The following ENTHD1 variants were observed in gnomAD, a reference collection of about 807,000 sequenced individuals.
ENTHD1 encodes ENTH domain-containing protein 1.
A neutral mutation model predicts 39.1 loss-of-function variants in ENTHD1; 23 were observed. The ratio of observed to expected loss-of-function variants is 0.59; its 90% CI spans 0.42 to 0.83. ENTHD1 has a LOEUF of 0.83. Ranked by LOEUF, ENTHD1 falls within the 40% of genes least tolerant of loss-of-function variation. ENTHD1 has a pLI of 0.00. For missense variants in ENTHD1, 624 were observed against 705.4 expected (o/e 0.88, Z 1.31); for synonymous variants, 230 against 258.2 (o/e 0.89, Z 1.05).
chr22:39,886,218 G>C (rs1362981444), intron 2 of ENTHD1, among the ~76,000 whole-genome samples: 2 of 152,016 alleles, frequency 1.3e-5, no homozygotes, highest in African/African-American at 4.8e-5. Flanking sequence ...CAAAACTATA[G>C]AGATGATAAA....
At chr22:39,747,760 G>A (rs920391016) in intron 6 of ENTHD1, among the ~76,000 whole-genome samples, 3 of 151,902 alleles carry the variant, frequency 2.0e-5, no homozygotes, top group African/African-American at 7.3e-5. Context: ...GGATCAACAG[G>A]TAGAACTTAC....
chr22:39,891,029 G>A (rs2066422586), intron 1 of ENTHD1, among the ~76,000 whole-genome samples: 1 of 152,170 alleles, frequency 6.6e-6, no homozygotes, highest in Non-Finnish European at 1.5e-5. Context: ...ACAGTGATGT[G>A]ACAAAAATTG....
intron 2 of ENTHD1, chr22:39,875,562 ACCG>A: frequency 6.2e-7 from 1 of 1,611,478 alleles, no homozygotes; most frequent in Non-Finnish European, 8.5e-7. Context: ...TTCTCTGAAT[ACCG>A]CCGCCTTGAA....
chr22:39,828,943 TC>T (rs1247395722), intron 4 of ENTHD1, among the ~76,000 whole-genome samples: 1 of 152,248 alleles, frequency 6.6e-6, no homozygotes, highest in African/African-American at 2.4e-5. Context: ...AGATAATTTT[TC>T]TTTCATTTAT....
rs573176202 is a variant in ENTHD1 at position 39,756,166 on chromosome 22, T to C, written c.1219+9057A>G. ...ACTTTCAAATTGTGGCCCTCCGTCA[T>C]GGAGCCAAGCCATGCTCTGACCAAT... On this transcript the variant is annotated intron_variant, in intron 6 of 6. Coordinates refer to ENST00000325157, the MANE Select transcript of ENTHD1 (RefSeq NM_152512.4). 6.8e-4 allele frequency among the ~76,000 whole-genome samples: 104 copies of C among 152,318 alleles called. 1 individual carries two copies. The highest frequency in any genetic ancestry group is 2.4e-3 in the African/African-American group (101 of 41,580).
intron 4 of ENTHD1, among the ~76,000 whole-genome samples, chr22:39,828,120 T>C (rs2065840107): frequency 6.6e-6 from 1 of 152,218 alleles, no homozygotes; most frequent in Admixed American, 6.5e-5. Flanking sequence ...CAATACATAT[T>C]GAATGAGACC....
chr22:39,759,218 A>G (rs979198612), intron 6 of ENTHD1, among the ~76,000 whole-genome samples: 1 of 152,144 alleles, frequency 6.6e-6, no homozygotes, highest in African/African-American at 2.4e-5. Flanking sequence ...TAGTAAGACT[A>G]TAGGGGACTG....
chr22:39,767,096 C>T (rs538549392), intron 5 of ENTHD1, among the ~76,000 whole-genome samples: 7 of 152,232 alleles, frequency 4.6e-5, no homozygotes, highest in East Asian at 3.9e-4. Flanking sequence ...GAGTCATCTT[C>T]GTGTCTCAGC....
chr22:39,805,138 A>T (rs1344998134), intron 5 of ENTHD1, among the ~76,000 whole-genome samples: 1 of 152,170 alleles, frequency 6.6e-6, no homozygotes, highest in Non-Finnish European at 1.5e-5. Flanking sequence ...CTAGGTACTG[A>T]GTGTTCTGTG....
intron 5 of ENTHD1, among the ~76,000 whole-genome samples, chr22:39,797,974 C>A (rs192735141): frequency 3.1e-4 from 47 of 152,244 alleles, no homozygotes; most frequent in Middle Eastern, 6.8e-3. Context: ...ATGTCTAAAT[C>A]TCTTAATAGA....
Position 39,743,794 on chromosome 22 carries a change from A to G in ENTHD1, c.1709T>C (p.Ile570Thr), listed in dbSNP as rs1204556425. The change falls in exon 7 of 7, where the codon ATC (isoleucine) becomes ACC (threonine). Residue 570 changes from isoleucine to threonine, a missense_variant. Ile to Thr is a moderately conservative substitution (Grantham distance 89, BLOSUM62 -1). Coordinates refer to ENST00000325157, the MANE Select transcript of ENTHD1 (RefSeq NM_152512.4). ...GTTATTGATGACATTAAGTTCTTGG[A>G]TCACTGTGCTCAGATCTTCATGTAA... is the stretch of plus-strand genomic sequence containing the variant. ...ARLHEDLSTV[I>T]QELNVINNIL... 1 of 1,614,128 alleles carries G rather than the reference A, an allele frequency of 6.2e-7. No individual in the cohort carries two copies.
intron 4 of ENTHD1, among the ~76,000 whole-genome samples, chr22:39,822,494 C>T (rs767770865): frequency 1.1e-4 from 17 of 152,060 alleles, no homozygotes; most frequent in Non-Finnish European, 1.5e-4. Flanking sequence ...TCCTATTGCT[C>T]AACATAATGT....
intron 6 of ENTHD1, among the ~76,000 whole-genome samples, chr22:39,754,559 T>A (rs2065170537): frequency 6.6e-6 from 1 of 152,218 alleles, no homozygotes; most frequent in South Asian, 2.1e-4. Flanking sequence ...GCTCAATACA[T>A]CTTATTTATT....
rs555168680 is a variant in ENTHD1 at position 39,799,405 on chromosome 22, T to A, written c.832+21588A>T. 2.6e-5 allele frequency among the ~76,000 whole-genome samples: 4 copies of A among 152,226 alleles called. No homozygotes were observed. In the South Asian group the frequency reaches 8.3e-4, roughly 32 times the overall value. ...TGTTAGAGCGGTGGTGATGCAGGAT[T>A]TTTTGCTCCTTAGTTCAGCTAAAAT... On this transcript the variant is annotated intron_variant, in intron 5 of 6. Transcript: ENST00000325157.
chr22:39,803,224 C>T (rs1028697128), intron 5 of ENTHD1, among the ~76,000 whole-genome samples: 4 of 152,148 alleles, frequency 2.6e-5, no homozygotes, highest in Admixed American at 6.5e-5. Context: ...CTAGCCACAA[C>T]GGCCTCCTTG....
intron 5 of ENTHD1, among the ~76,000 whole-genome samples, chr22:39,779,552 GA>G (rs2065391707): frequency 6.9e-6 from 1 of 144,088 alleles, no homozygotes; most frequent in South Asian, 2.2e-4. Context: ...ACAGTAACAT[GA>G]AAGAAAAAAA....
intron 5 of ENTHD1, among the ~76,000 whole-genome samples, chr22:39,773,022 G>T (rs759063245): frequency 6.1e-5 from 9 of 146,736 alleles, no homozygotes; most frequent in Non-Finnish European, 1.0e-4. Flanking sequence ...AGTGGCTTAT[G>T]CCTGTAATCC....
intron 3 of ENTHD1, among the ~76,000 whole-genome samples, chr22:39,847,387 G>T (rs1176545543): frequency 9.4e-6 from 1 of 106,806 alleles, no homozygotes; most frequent in Non-Finnish European, 1.8e-5. Context: ...GGGGGAGGGG[G>T]GAGGGATAGC....
intron 3 of ENTHD1, among the ~76,000 whole-genome samples, chr22:39,842,394 C>T (rs368111990): frequency 6.6e-6 from 1 of 151,760 alleles, no homozygotes; most frequent in East Asian, 1.9e-4. Flanking sequence ...TAGATTTGGT[C>T]TTTTCACATA....
Sources: gnomAD v4.1 joint callset for allele counts (sites outside exome capture counted in the v4.1 genomes callset) on GRCh38, gnomAD v4.1.1 for gene constraint, MANE v1.5 for transcripts, NCBI Gene and HGNC (gene_info 2026-07-23, HGNC 2026-07-21) for gene names.